Variants in EXT1 observed in about 807,000 individuals in gnomAD.
EXT1 encodes exostosin glycosyltransferase 1.
Under a neutral mutation model 82.5 loss-of-function variants are expected in EXT1, and 20 were observed. That is an observed-to-expected ratio of 0.24 (90% CI 0.17 to 0.35). EXT1 has a LOEUF of 0.35. EXT1 is among the 10% of genes least tolerant of loss of function. The probability of loss-of-function intolerance (pLI) is 1.00; values close to 1 mark genes in which losing one functional copy is unlikely to be tolerated. For synonymous variants in EXT1, 348 were observed against 350.8 expected (o/e 0.99, Z 0.09); for missense variants, 757 against 936.5 (o/e 0.81, Z 2.50).
intron 1 of EXT1, among the ~76,000 whole-genome samples, chr8:117,863,704 T>C (rs999706351): frequency 6.6e-6 from 1 of 152,152 alleles, no homozygotes; most frequent in African/African-American, 2.4e-5. Context: ...TGTCCTGTGC[T>C]TACCCTGCCC....
chr8:118,071,190 T>A (rs1473579049), intron 1 of EXT1, among the ~76,000 whole-genome samples: 1 of 152,232 alleles, frequency 6.6e-6, no homozygotes, highest in African/African-American at 2.4e-5. Context: ...TTTTGCAGTG[T>A]CTGTCAGCAT....
At chr8:117,933,212 T>C (rs1814094237) in intron 1 of EXT1, among the ~76,000 whole-genome samples, 2 of 151,502 alleles carry the variant, frequency 1.3e-5, no homozygotes, top group African/African-American at 2.4e-5. Context: ...ATAGCTCTTA[T>C]CACTCTCAGA....
intron 1 of EXT1, among the ~76,000 whole-genome samples, chr8:117,996,182 G>A (rs1463992000): frequency 6.6e-6 from 1 of 152,110 alleles, no homozygotes; most frequent in African/African-American, 2.4e-5. Context: ...ATATGAGGAG[G>A]AACAGCCGAC....
intron 1 of EXT1, among the ~76,000 whole-genome samples, chr8:117,903,473 A>C (rs1044808684): frequency 6.6e-6 from 1 of 152,222 alleles, no homozygotes; most frequent in Non-Finnish European, 1.5e-5. Flanking sequence ...ACATTGTATA[A>C]GTTTCCCAAA....
chr8:117,935,819 C>A (rs1814149301), intron 1 of EXT1, among the ~76,000 whole-genome samples: 1 of 152,018 alleles, frequency 6.6e-6, no homozygotes, highest in South Asian at 2.1e-4. Flanking sequence ...ACAGAGAGGA[C>A]CTGGGTTGTC....
chr8:117,795,485 T>C lies in EXT1; in HGVS notation c.*4227A>G, dbSNP rs1823076368. On this transcript the variant is annotated 3_prime_UTR_variant, in exon 11 of 11. Coordinates refer to ENST00000378204, the MANE Select transcript of EXT1 (RefSeq NM_000127.3). The stretch of plus-strand genomic sequence containing the variant: ...TTAGGGTACTTAATCCCCCAAGCTT[T>C]TTTTTTTTTTTAAAGAAAAAAAAAA... 6.6e-6 allele frequency: 1 copy of C among 150,408 alleles called. No individual in the cohort carries two copies. Among genetic ancestry groups the C allele is most frequent in the Admixed American group, 6.6e-5 (1 of 15,078 alleles). The allele number at this position is 150,408 out of a possible 1,614,324, so 9.3% of individuals were successfully genotyped here.
chr8:117,829,737 C>CTAATTTTT (rs1432021834), intron 4 of EXT1, among the ~76,000 whole-genome samples: 1 of 151,756 alleles, frequency 6.6e-6, no homozygotes, highest in African/African-American at 2.4e-5. Flanking sequence ...CCATGCCTGG[C>CTAATTTTT]TAATTTTTTG....
intron 1 of EXT1, among the ~76,000 whole-genome samples, chr8:117,892,057 G>A (rs1327817547): frequency 2.6e-5 from 4 of 151,994 alleles, no homozygotes; most frequent in Middle Eastern, 3.2e-3. Context: ...CACCCGCCTC[G>A]GCCTCCCAAA....
At chr8:118,014,003 G>A (rs2129841541) in intron 1 of EXT1, among the ~76,000 whole-genome samples, 1 of 152,248 alleles carries the variant, frequency 6.6e-6, no homozygotes, top group Non-Finnish European at 1.5e-5. Flanking sequence ...CTAGTTATCT[G>A]AACTGCCTGA....
rs17474706 is a variant in EXT1, at chr8:117,840,501, A to G, written c.963-3300T>C. ...GTAGCACATGCCTGTAATCTCAGCT[A>G]CTTGGGAGGCTGAGGAAGAAGAATC... On this transcript the variant is annotated intron_variant, in intron 1 of 10. Coordinates refer to ENST00000378204, the MANE Select transcript of EXT1 (RefSeq NM_000127.3). 2.6e-3 allele frequency among the ~76,000 whole-genome samples: 394 copies of G among 152,196 alleles called. 3 individuals are homozygous for G. The highest frequency in any genetic ancestry group is 9.0e-3 in the African/African-American group (373 of 41,550).
chr8:118,041,661 AGAAAGAAG>A (rs1243297266), intron 1 of EXT1, among the ~76,000 whole-genome samples: 24 of 111,274 alleles, frequency 2.2e-4, no homozygotes, highest in South Asian at 1.9e-3. Context: ...AGAAAGAGAG[AGAAAGAAG>A]GAAGGAAGGA....
At chr8:117,896,027 C>T (rs909502564) in intron 1 of EXT1, among the ~76,000 whole-genome samples, 2 of 152,168 alleles carry the variant, frequency 1.3e-5, no homozygotes, top group Admixed American at 6.5e-5. Flanking sequence ...TGTTGTAAAA[C>T]GTAGAGAAGG....
intron 1 of EXT1, among the ~76,000 whole-genome samples, chr8:118,023,758 T>C (rs1816152641): frequency 6.6e-6 from 1 of 152,188 alleles, no homozygotes; most frequent in African/African-American, 2.4e-5. Context: ...TTGAAAGAAA[T>C]AGCAGCTGCA....
intron 1 of EXT1, among the ~76,000 whole-genome samples, chr8:118,041,192 G>T (rs1816520256): frequency 6.6e-6 from 1 of 152,114 alleles, no homozygotes; most frequent in Non-Finnish European, 1.5e-5. Flanking sequence ...TCATTAAAAA[G>T]AAGTCCTCAA....
chr8:118,032,596 C>T (rs533032199), intron 1 of EXT1, among the ~76,000 whole-genome samples: 26 of 151,564 alleles, frequency 1.7e-4, no homozygotes, highest in African/African-American at 5.3e-4. Flanking sequence ...CTGCATCCTC[C>T]GCCTCCCAGG....
chr8:118,064,556 A>G (rs1425421404), intron 1 of EXT1, among the ~76,000 whole-genome samples: 1 of 152,066 alleles, frequency 6.6e-6, no homozygotes, highest in Non-Finnish European at 1.5e-5. Context: ...TATGTGCCAC[A>G]TTTTCTTTAT....
At chr8:118,052,678 AT>A (rs1433040584) in intron 1 of EXT1, among the ~76,000 whole-genome samples, 98 of 152,370 alleles carry the variant, frequency 6.4e-4, no homozygotes, top group African/African-American at 2.2e-3. Flanking sequence ...AGTCCAAATG[AT>A]TCTTGCTTTG....
chr8:117,927,370 C>G (rs890332573), intron 1 of EXT1, among the ~76,000 whole-genome samples: 6 of 15,666 alleles, frequency 3.8e-4, no homozygotes, highest in Non-Finnish European at 9.6e-4. Context: ...CCACAAACAC[C>G]TTATTAAGTA....
Position 117,958,362 on chromosome 8 carries a change from C to A in EXT1, c.963-121161G>T, listed in dbSNP as rs192322198. 8.5e-5 allele frequency among the ~76,000 whole-genome samples: 13 copies of A among 152,226 alleles called. No individual in the cohort carries two copies. In the East Asian group the frequency reaches 2.1e-3, roughly 25 times the overall value. On this transcript the variant is annotated intron_variant, in intron 1 of 10. Transcript: ENST00000378204. ...ACATCATCACACTTCCCATATATGA[C>A]CCTAAACCTTCTAAAATGACCTTGA...
Sources: gnomAD v4.1 joint callset for allele counts (sites outside exome capture counted in the v4.1 genomes callset) on GRCh38, gnomAD v4.1.1 for gene constraint, MANE v1.5 for transcripts, NCBI Gene and HGNC (gene_info 2026-07-23, HGNC 2026-07-21) for gene names.